MOK: variants seen among roughly 807,000 people sequenced by gnomAD.
The protein encoded by MOK is MOK protein kinase, also known as MAPK/MAK/MRK overlapping kinase.
In MOK, 59 loss-of-function variants were observed where a neutral mutation model predicts 54.2. The observed-to-expected ratio is 1.09, with a 90% confidence interval of 0.88 to 1.35. MOK has a LOEUF of 1.35. Among genes scored for constraint, MOK ranks in the 40% most tolerant of loss-of-function variants. MOK has a pLI of 0.00. For missense variants in MOK, 517 were observed against 526.2 expected, an observed-to-expected ratio of 0.98 and a Z score of 0.17; for synonymous variants, 210 against 202.7, an observed-to-expected ratio of 1.04 and a Z score of -0.31.
At chr14:102,274,254 C>A (rs1385296484) in intron 2 of MOK, among the ~76,000 whole-genome samples, 1 of 131,848 alleles carries the variant, frequency 7.6e-6, no homozygotes, top group Non-Finnish European at 1.6e-5. Flanking sequence ...ACCGTACCTG[C>A]ATTTTTTTTT....
downstream of MOK, among the ~76,000 whole-genome samples, chr14:102,227,637 G>C (rs1446557349): frequency 6.6e-6 from 1 of 152,100 alleles, no homozygotes; most frequent in Non-Finnish European, 1.5e-5. Context: ...TGAACATTAC[G>C]GCAAGCCTCA....
intron 1 of MOK, among the ~76,000 whole-genome samples, chr14:102,299,244 T>A (rs2153194058): frequency 6.6e-6 from 1 of 152,272 alleles, no homozygotes; most frequent in South Asian, 2.1e-4. Flanking sequence ...CCGGACGCAG[T>A]GGCTCACGCC....
At chr14:102,255,399 C>T (rs751668894) in intron 4 of MOK, among the ~76,000 whole-genome samples, 13 of 152,132 alleles carry the variant, frequency 8.5e-5, no homozygotes, top group African/African-American at 1.4e-4. Context: ...AACGGGCATG[C>T]GGGCCAGGAA....
chr14:102,246,768 A>G (rs1211569366), intron 7 of MOK, among the ~76,000 whole-genome samples: 1 of 152,150 alleles, frequency 6.6e-6, no homozygotes, highest in Non-Finnish European at 1.5e-5. Context: ...GCTGTGATGA[A>G]TGCCTATTAG....
At chr14:102,293,714 A>G (rs1237154312) in intron 1 of MOK, among the ~76,000 whole-genome samples, 1 of 150,432 alleles carries the variant, frequency 6.6e-6, no homozygotes, top group Non-Finnish European at 1.5e-5. Context: ...AAAAAAAAAA[A>G]AAAAAAAAAA....
chr14:102,305,099 G>T lies in MOK; in HGVS notation c.-131C>A. On this transcript the variant is annotated 5_prime_UTR_variant, in exon 1 of 12. Coordinates refer to ENST00000361847, the MANE Select transcript of MOK (RefSeq NM_014226.3). ...ACTAGGATCTCCGTGGTGGTCCCTCGAAGGAGAGCGTTAGAGATCCCGCCG... is the reference window on the plus strand; with the variant it reads ...ACTAGGATCTCCGTGGTGGTCCCTCTAAGGAGAGCGTTAGAGATCCCGCCG... 1 of 1,104,042 alleles carries T rather than the reference G, an allele frequency of 9.1e-7. No individual in the cohort carries two copies. The highest frequency in any genetic ancestry group is 1.3e-6 in the Non-Finnish European group (1 of 742,522). 68.4% of individuals were successfully genotyped at this position (1,104,042 alleles called of 1,614,324 possible). A position where few individuals can be genotyped will look rare whatever the true frequency, so the allele number is the denominator to read the frequency against.
chr14:102,293,043 G>C (rs2070944547), intron 1 of MOK, among the ~76,000 whole-genome samples: 1 of 152,192 alleles, frequency 6.6e-6, no homozygotes, highest in Admixed American at 6.5e-5. Flanking sequence ...TGAGGCATAA[G>C]AATCGCTTGA....
intron 4 of MOK, among the ~76,000 whole-genome samples, chr14:102,261,625 C>T (rs2153129222): frequency 6.7e-6 from 1 of 150,230 alleles, no homozygotes; most frequent in South Asian, 2.1e-4. Context: ...CTTCTGCCTC[C>T]CAGGTTCAAG....
intron 2 of MOK, among the ~76,000 whole-genome samples, chr14:102,266,989 C>A (rs1043667061): frequency 6.6e-6 from 1 of 152,208 alleles, no homozygotes; most frequent in African/African-American, 2.4e-5. Flanking sequence ...CATGCCAAAA[C>A]AGTGCAATCA....
chr14:102,285,596 G>T (rs1450970019), intron 1 of MOK, among the ~76,000 whole-genome samples: 1 of 152,252 alleles, frequency 6.6e-6, no homozygotes, highest in East Asian at 1.9e-4. Context: ...TACAATAATT[G>T]GAATTTACTT....
chr14:102,245,899 C>A lies in MOK; in HGVS notation c.590+4913G>T, dbSNP rs548634139. Among the ~76,000 whole-genome samples the A allele has an allele frequency of 2.0e-4, 30 of 152,302 alleles. No homozygotes were observed. The East Asian group carries it at 5.8e-3, about 29-fold the overall frequency. The stretch of plus-strand genomic sequence containing the variant: ...AACTTCTAACTGGTATTCCAGCACA[C>A]TCCTTGGGCCAACCTGACTCCGCCT... On this transcript the variant is annotated intron_variant, in intron 7 of 11. Coordinates refer to ENST00000361847, the MANE Select transcript of MOK (RefSeq NM_014226.3). The surrounding 1 kb of genome is among the most constrained non-coding windows in gnomAD (Gnocchi z 4.3).
intron 7 of MOK, chr14:102,234,048 A>C: frequency 8.3e-6 from 3 of 363,196 alleles, no homozygotes; most frequent in Non-Finnish European, 1.5e-5. Flanking sequence ...CCCCAATATA[A>C]ACCCCTCAAT....
intron 4 of MOK, among the ~76,000 whole-genome samples, chr14:102,255,879 C>T (rs2066908492): frequency 6.6e-6 from 1 of 152,076 alleles, no homozygotes; most frequent in African/African-American, 2.4e-5. Flanking sequence ...TTAATTTTTA[C>T]CAAATATTCT....
chr14:102,222,794 G>A (rs1272842103), downstream of MOK: 12 of 1,613,802 alleles, frequency 7.4e-6, no homozygotes, highest in Non-Finnish European at 1.0e-5. The surrounding 1 kb of genome is among the most constrained non-coding windows in gnomAD (Gnocchi z 4.4). Flanking sequence ...CCCGTCCGGT[G>A]TTTTGCTGGA....
At position 102,256,110 on chromosome 14, in the gene MOK, T is replaced by A. The variant is rs184845263; in HGVS notation, c.284-4115A>T. On this transcript the variant is annotated intron_variant, in intron 4 of 11. Coordinates refer to ENST00000361847, the MANE Select transcript of MOK (RefSeq NM_014226.3). ...AGGCAAATGAGTTATTATTATTTTT[T>A]TTTTTTGAGACAGGGTCTCACTCTG... Among the ~76,000 whole-genome samples the A allele has an allele frequency of 2.2e-4, 34 of 152,070 alleles. No homozygotes were observed. In the East Asian group the frequency reaches 5.8e-3, roughly 26 times the overall value.
chr14:102,288,356 A>G (rs2070379078), intron 1 of MOK, among the ~76,000 whole-genome samples: 1 of 152,232 alleles, frequency 6.6e-6, no homozygotes, highest in East Asian at 1.9e-4. Flanking sequence ...TCAGCCATGA[A>G]AAGGAATGAA....
intron 6 of MOK, 21 bp downstream of exon 6, chr14:102,251,735 C>T: frequency 6.5e-7 from 1 of 1,548,304 alleles, no homozygotes; most frequent in Non-Finnish European, 8.9e-7. Flanking sequence ...TGATACCCAG[C>T]TTTCATGTAA....
chr14:102,248,517 G>A (rs1169914955), intron 7 of MOK, among the ~76,000 whole-genome samples: 8 of 152,128 alleles, frequency 5.3e-5, no homozygotes, highest in African/African-American at 1.7e-4. Flanking sequence ...AGTGGCTCAC[G>A]CCTGTGATCC....
chr14:102,230,975 GGT>G lies in MOK; in HGVS notation c.981+730_981+731del, dbSNP rs983784978. ...GGAGAGCAGCCTGACTGCAGCTCTG[GGT>G]TCCCAGCTCCCAAGCGGTCAGGGAG... On this transcript the variant is annotated intron_variant, in intron 10 of 11. Coordinates refer to ENST00000361847, the MANE Select transcript of MOK (RefSeq NM_014226.3). This position sits in a 1 kb window ranked among gnomAD's most constrained non-coding sequence, Gnocchi z 4.1. The G allele has an allele frequency of 2.0e-5, 3 of 152,284 alleles. No homozygotes were observed. Among genetic ancestry groups the G allele is most frequent in the African/African-American group, 7.2e-5 (3 of 41,458 alleles). 9.4% of individuals were successfully genotyped at this position (152,284 alleles called of 1,614,324 possible). A position where few individuals can be genotyped will look rare whatever the true frequency, so the allele number is the denominator to read the frequency against.
Sources: allele counts gnomAD v4.1 joint callset (sites outside exome capture counted in the v4.1 genomes callset), GRCh38; gene constraint gnomAD v4.1.1; non-coding constraint Gnocchi (gnomAD v3.1); transcripts MANE v1.5; gene names NCBI Gene and HGNC (gene_info 2026-07-23, HGNC 2026-07-21).